The following SHISA6 variants were observed in gnomAD, a reference collection of about 807,000 sequenced individuals.
The protein encoded by SHISA6 is protein shisa-6.
SHISA6 carries 22 observed loss-of-function variants against 47.9 expected under a neutral mutation model. That is an observed-to-expected ratio of 0.46 (90% CI 0.33 to 0.66). The LOEUF (loss-of-function observed/expected upper bound fraction) is 0.66, where lower values mean the gene tolerates loss of function less well. SHISA6 is among the 30% of genes least tolerant of loss of function. The pLI is 0.02. For synonymous variants in SHISA6, 388 were observed against 337.8 expected (o/e 1.15, Z -1.63); for missense variants, 680 against 764.6 (o/e 0.89, Z 1.30).
At chr17:11,359,705 C>T (rs1335494401) in intron 2 of SHISA6, among the ~76,000 whole-genome samples, 1 of 152,204 alleles carries the variant, frequency 6.6e-6, no homozygotes, top group Non-Finnish European at 1.5e-5. Flanking sequence ...AACTGGTTCA[C>T]CCTTGTCCAC....
rs574848730 is a variant in SHISA6 at position 11,514,915 on chromosome 17, T to C, written c.896-36981T>C. 5.9e-5 allele frequency among the ~76,000 whole-genome samples: 9 copies of C among 152,298 alleles called. No homozygotes were observed. In the South Asian group the frequency reaches 1.9e-3, roughly 32 times the overall value. ...TTCCAGGGGTCATGCCCCAAATAAA[T>C]AATACACACCCATATCCTTGTCTCT... is the stretch of plus-strand genomic sequence containing the variant. On this transcript the variant is annotated intron_variant, in intron 3 of 5. Coordinates refer to ENST00000441885, the MANE Select transcript of SHISA6 (RefSeq NM_207386.4).
chr17:11,256,850 G>A (rs1452581633), intron 1 of SHISA6, among the ~76,000 whole-genome samples: 1 of 152,222 alleles, frequency 6.6e-6, no homozygotes, highest in Non-Finnish European at 1.5e-5. Flanking sequence ...GGGCCCCCAG[G>A]GGATGCACAT....
chr17:11,249,926 A>C (rs1222544751), intron 1 of SHISA6, among the ~76,000 whole-genome samples: 10 of 152,230 alleles, frequency 6.6e-5, no homozygotes, highest in Admixed American at 1.3e-4. Flanking sequence ...AGCTCTGCAC[A>C]GGAGTGCCTG....
At chr17:11,325,438 T>A (rs1333714218) in intron 2 of SHISA6, among the ~76,000 whole-genome samples, 2 of 152,248 alleles carry the variant, frequency 1.3e-5, no homozygotes, top group African/African-American at 2.4e-5. Flanking sequence ...CATCTCCTTG[T>A]CCAGCTCCAT....
intron 2 of SHISA6, among the ~76,000 whole-genome samples, chr17:11,350,115 C>T (rs866079668): frequency 6.6e-5 from 10 of 151,576 alleles, no homozygotes; most frequent in Middle Eastern, 3.4e-3. Flanking sequence ...CCTCAGCCTC[C>T]GAAGTAGCTG....
chr17:11,280,443 C>A (rs78764831), intron 2 of SHISA6, among the ~76,000 whole-genome samples: 2 of 152,160 alleles, frequency 1.3e-5, no homozygotes, highest in African/African-American at 4.8e-5. Flanking sequence ...AGGCGTCTGG[C>A]GAGAGAGGTT....
chr17:11,254,955 T>C (rs1289536604), intron 1 of SHISA6, among the ~76,000 whole-genome samples: 4 of 152,210 alleles, frequency 2.6e-5, no homozygotes, highest in African/African-American at 9.6e-5. Context: ...AAGAGCAACA[T>C]GTGGATCTCA....
intron 3 of SHISA6, among the ~76,000 whole-genome samples, chr17:11,510,662 C>T (rs924119208): frequency 2.0e-5 from 3 of 152,154 alleles, no homozygotes; most frequent in East Asian, 3.8e-4. Context: ...AGAAACAGCA[C>T]AGACATTTGA....
intron 3 of SHISA6, among the ~76,000 whole-genome samples, chr17:11,382,782 C>T (rs544287376): frequency 5.2e-4 from 79 of 152,206 alleles, no homozygotes; most frequent in Non-Finnish European, 8.2e-4. Flanking sequence ...CAAGGTAATA[C>T]CATTGCCCTA....
Position 11,561,776 on chromosome 17 carries a change from C to G in SHISA6, c.*3472C>G, listed in dbSNP as rs182682217. The G allele has an allele frequency of 6.6e-6, 1 of 152,304 alleles. No individual in the cohort carries two copies. The highest frequency in any genetic ancestry group is 1.9e-4 in the East Asian group (1 of 5,164). 9.4% of individuals were successfully genotyped at this position (152,304 alleles called of 1,614,324 possible). The stretch of plus-strand genomic sequence containing the variant: ...CCTGGTCTTGCTATAATCTCCAGCT[C>G]TAAAAATCAGAGCTCTCAATGAAAA... On this transcript the variant is annotated 3_prime_UTR_variant, in exon 6 of 6. Transcript: ENST00000441885.
Position 11,241,541 on chromosome 17 carries a change from C to A in SHISA6, c.119C>A (p.Ala40Asp). The change falls in exon 1 of 6, where the codon GCT (alanine) becomes GAT (aspartate). Residue 40 changes from alanine (A) to aspartate (D), a missense_variant. Around this residue, in one of 2 missense-constraint regions of SHISA6, gnomAD observed 121 missense variants for 90.5 expected, o/e 1.34. Transcript: ENST00000441885. The surrounding 1 kb of genome is among the most constrained non-coding windows in gnomAD (Gnocchi z 5.5). ...AANRTLSAGG[A>D]AVGGRRAGGA... is the part of the protein sequence containing the mutation. ...AACCGGACCCTGAGTGCAGGCGGCG[C>A]TGCCGTCGGGGGCCGGAGGGCCGGG... is the stretch of plus-strand genomic sequence containing the variant. The A allele has an allele frequency of 9.2e-7, 1 of 1,090,312 alleles. No homozygotes were observed. Among genetic ancestry groups the A allele is most frequent in the Non-Finnish European group, 1.1e-6 (1 of 899,946 alleles). 67.5% of individuals were successfully genotyped at this position (1,090,312 alleles called of 1,614,324 possible).
chr17:11,359,355 T>C (rs1912186608), intron 2 of SHISA6, among the ~76,000 whole-genome samples: 1 of 152,234 alleles, frequency 6.6e-6, no homozygotes, highest in Non-Finnish European at 1.5e-5. Context: ...TTGCAAGGAA[T>C]GCAAACCCAG....
intron 2 of SHISA6, among the ~76,000 whole-genome samples, chr17:11,281,402 G>A (rs1170176837): frequency 6.6e-6 from 1 of 152,102 alleles, no homozygotes; most frequent in Non-Finnish European, 1.5e-5. Flanking sequence ...TGTATCTGTT[G>A]AGATGATGAT....
At chr17:11,489,366 A>G (rs1916422556) in intron 3 of SHISA6, among the ~76,000 whole-genome samples, 1 of 152,152 alleles carries the variant, frequency 6.6e-6, no homozygotes, top group African/African-American at 2.4e-5. Flanking sequence ...AGCATCTGAC[A>G]TGACCTTTTC....
intron 2 of SHISA6, among the ~76,000 whole-genome samples, chr17:11,298,425 TGAG>T (rs1909821292): frequency 6.6e-6 from 1 of 152,266 alleles, no homozygotes; most frequent in East Asian, 1.9e-4. Context: ...TGAGTGCAAG[TGAG>T]GAGAAGATGG....
intron 3 of SHISA6, among the ~76,000 whole-genome samples, chr17:11,545,385 A>T (rs2071875018): frequency 2.0e-5 from 3 of 152,164 alleles, no homozygotes; most frequent in Admixed American, 1.3e-4. Context: ...GCATTAAGGA[A>T]GGGGTGGGTG....
chr17:11,374,209 A>G (rs1357456065), intron 2 of SHISA6, among the ~76,000 whole-genome samples: 1 of 151,980 alleles, frequency 6.6e-6, no homozygotes, highest in Non-Finnish European at 1.5e-5. Context: ...TCGCCTATGC[A>G]TTTCTTTTCC....
intron 3 of SHISA6, among the ~76,000 whole-genome samples, chr17:11,525,697 A>G (rs1170111993): frequency 1.3e-5 from 2 of 149,570 alleles, no homozygotes; most frequent in Non-Finnish European, 3.0e-5. Flanking sequence ...ATCACAAATG[A>G]TAAATTTTAA....
chr17:11,469,829 T>C (rs1001116063), intron 3 of SHISA6, among the ~76,000 whole-genome samples: 4 of 152,192 alleles, frequency 2.6e-5, no homozygotes, highest in African/African-American at 7.2e-5. Flanking sequence ...CTTACTGTGA[T>C]AGAAATCCTT....
Sources: gnomAD v4.1 joint callset for allele counts (sites outside exome capture counted in the v4.1 genomes callset) on GRCh38, gnomAD v4.1.1 for gene constraint, gnomAD v4.1.1 regional missense constraint, Gnocchi (gnomAD v3.1) non-coding constraint, MANE v1.5 for transcripts, NCBI Gene and HGNC (gene_info 2026-07-23, HGNC 2026-07-21) for gene names.